SLC2A9: variants seen among roughly 807,000 people sequenced by gnomAD.
The protein encoded by SLC2A9 is solute carrier family 2, facilitated glucose transporter member 9.
Under a neutral mutation model 50.6 loss-of-function variants are expected in SLC2A9, and 39 were observed. That is an observed-to-expected ratio of 0.77 (90% CI 0.60 to 1.01). The LOEUF (loss-of-function observed/expected upper bound fraction) is 1.01. Ranked by LOEUF, SLC2A9 falls within the 50% of genes least tolerant of loss-of-function variation. SLC2A9 has a pLI of 0.00. For synonymous variants in SLC2A9, 324 were observed against 276.9 expected (o/e 1.17, Z -1.69); for missense variants, 686 against 677.6 (o/e 1.01, Z -0.14).
At chr4:9,787,343 T>C (rs1048702607) in intron 3 of SLC2A9, among the ~76,000 whole-genome samples, 2 of 152,190 alleles carry the variant, frequency 1.3e-5, no homozygotes, top group Non-Finnish European at 2.9e-5. Context: ...TGTTTTACAT[T>C]TTATGCTTTA....
chr4:9,866,515 T>C (rs1732494800), intron 10 of SLC2A9, among the ~76,000 whole-genome samples: 1 of 152,124 alleles, frequency 6.6e-6, no homozygotes, highest in African/African-American at 2.4e-5. Context: ...TTGATTCCAT[T>C]CCAGTCACAC....
chr4:9,977,632 C>T (rs1335583889), intron 5 of SLC2A9, among the ~76,000 whole-genome samples: 1 of 149,424 alleles, frequency 6.7e-6, no homozygotes, highest in East Asian at 2.0e-4. Context: ...ACTCTTACCT[C>T]TGGCTAGAAC....
At chr4:10,027,774 T>C (rs894058598) in intron 1 of SLC2A9, among the ~76,000 whole-genome samples, 2 of 152,142 alleles carry the variant, frequency 1.3e-5, no homozygotes, top group Non-Finnish European at 2.9e-5. Flanking sequence ...ATGTGACAAG[T>C]TGATACATTT....
chr4:9,790,766 C>A (rs1251646370), intron 3 of SLC2A9, among the ~76,000 whole-genome samples: 3 of 152,144 alleles, frequency 2.0e-5, no homozygotes, highest in Non-Finnish European at 2.9e-5. Flanking sequence ...CTAAGCTTCA[C>A]TTTTTTAAAA....
chr4:9,817,365 G>C (rs950130900), intron 3 of SLC2A9, among the ~76,000 whole-genome samples: 1 of 152,172 alleles, frequency 6.6e-6, no homozygotes. Context: ...TGTTTGTCAG[G>C]CACCTTCTAC....
At chr4:10,001,379 T>C (rs1759776421) in intron 2 of SLC2A9, among the ~76,000 whole-genome samples, 1 of 152,102 alleles carries the variant, frequency 6.6e-6, no homozygotes, top group Non-Finnish European at 1.5e-5. Context: ...GGGGAGAAGA[T>C]GGCCATCTGT....
In SLC2A9 at chr4:9,985,795, TGGAAAGAAA is replaced by T. The variant is rs1756612653; in HGVS notation, c.411-11_411-3del. The T allele has an allele frequency of 2.5e-6, 4 of 1,613,970 alleles. No individual in the cohort carries two copies. The highest frequency in any genetic ancestry group is 3.4e-6 in the Non-Finnish European group (4 of 1,179,862). ...TTATTGGCCAGCAAAGTGTGCTTCC[TGGAAAGAAA>T]GGAAAGATTTGATGAAGATGTCTAA... On this transcript the variant is annotated splice_polypyrimidine_tract_variant and splice_region_variant and intron_variant, in intron 3 of 11. Transcript: ENST00000264784.
At chr4:9,919,925 T>C (rs1226362393) in intron 7 of SLC2A9, among the ~76,000 whole-genome samples, 1 of 152,066 alleles carries the variant, frequency 6.6e-6, no homozygotes, top group Non-Finnish European at 1.5e-5. Flanking sequence ...CAGACTTCCC[T>C]GCCTGCAGCA....
downstream of SLC2A9, among the ~76,000 whole-genome samples, chr4:9,777,147 C>T (rs548465584): frequency 6.6e-6 from 1 of 152,128 alleles, no homozygotes; most frequent in East Asian, 1.9e-4. Flanking sequence ...TAATATAAGC[C>T]CAAGAAAGAT....
chr4:9,955,027 C>T (rs187575737), intron 5 of SLC2A9, among the ~76,000 whole-genome samples: 1 of 152,270 alleles, frequency 6.6e-6, no homozygotes, highest in Non-Finnish European at 1.5e-5. Flanking sequence ...CCTCTGGGAA[C>T]TTTTGACTGG....
chr4:9,807,032 G>A (rs2108967388), intron 3 of SLC2A9, among the ~76,000 whole-genome samples: 1 of 152,244 alleles, frequency 6.6e-6, no homozygotes, highest in African/African-American at 2.4e-5. Flanking sequence ...TGTTCACATG[G>A]TTTGGGGTCT....
chr4:9,772,101 G>T (rs534476272), intron 1 of SLC2A9, among the ~76,000 whole-genome samples: 1 of 152,204 alleles, frequency 6.6e-6, no homozygotes, highest in Non-Finnish European at 1.5e-5. Context: ...GAACACTGTG[G>T]TTGTGTTTTA....
At chr4:9,784,840 A>G (rs1459043685) in intron 3 of SLC2A9, among the ~76,000 whole-genome samples, 1 of 152,232 alleles carries the variant, frequency 6.6e-6, no homozygotes, top group Admixed American at 6.5e-5. Context: ...TATCAAGGAC[A>G]GTTCAATCAA....
downstream of SLC2A9, among the ~76,000 whole-genome samples, chr4:9,821,517 G>C (rs1362881821): frequency 6.6e-6 from 1 of 152,144 alleles, no homozygotes; most frequent in Non-Finnish European, 1.5e-5. Context: ...GGCAAGAGGA[G>C]GGAGAGCATT....
intron 7 of SLC2A9, among the ~76,000 whole-genome samples, chr4:9,914,950 G>C (rs78301913): frequency 0.07 from 10,704 of 152,282 alleles, 863 homozygotes; most frequent in African/African-American, 0.2. Flanking sequence ...TTTTCTAAGA[G>C]TGTTGGATCA....
At chr4:9,928,117 AAAAAC>A (rs1339991774) in intron 6 of SLC2A9, among the ~76,000 whole-genome samples, 1 of 152,204 alleles carries the variant, frequency 6.6e-6, no homozygotes, top group African/African-American at 2.4e-5. Flanking sequence ...TCTCAAGAAA[AAAAAC>A]AAAACAAAAG....
At chr4:9,951,217 A>G (rs1366792616) in intron 5 of SLC2A9, among the ~76,000 whole-genome samples, 5 of 152,216 alleles carry the variant, frequency 3.3e-5, no homozygotes, top group African/African-American at 4.8e-5. Context: ...GGCATTAACT[A>G]AAGTGAGATA....
intron 10 of SLC2A9, among the ~76,000 whole-genome samples, chr4:9,869,642 G>A (rs180930129): frequency 5.3e-5 from 8 of 152,140 alleles, no homozygotes; most frequent in Admixed American, 1.3e-4. Context: ...TTGATTTTAC[G>A]CCAATCTTTC....
At chr4:9,933,571 C>T (rs984574515) in intron 6 of SLC2A9, among the ~76,000 whole-genome samples, 1 of 152,190 alleles carries the variant, frequency 6.6e-6, no homozygotes, top group African/African-American at 2.4e-5. Flanking sequence ...TTAGTCTTCT[C>T]ATCTATAAAG....
Sources: gnomAD v4.1 joint callset for allele counts (sites outside exome capture counted in the v4.1 genomes callset) on GRCh38, gnomAD v4.1.1 for gene constraint, MANE v1.5 for transcripts, NCBI Gene and HGNC (gene_info 2026-07-23, HGNC 2026-07-21) for gene names.